Variants in RORA observed in about 807,000 individuals in gnomAD.
The protein encoded by RORA is RAR related orphan receptor A.
In RORA, 7 loss-of-function variants were observed where a neutral mutation model predicts 69.5. The observed-to-expected ratio is 0.10, with a 90% CI of 0.06 to 0.19. The LOEUF (loss-of-function observed/expected upper bound fraction) is 0.19. Among genes scored for constraint, RORA ranks in the 10% least tolerant of loss-of-function variants. The pLI, the probability that RORA is intolerant of heterozygous loss-of-function variation, is 1.00. For missense variants in RORA, 457 were observed against 663.0 expected (o/e 0.69, Z 3.41); for synonymous variants, 261 against 240.8 (o/e 1.08, Z -0.78).
intron 2 of RORA, among the ~76,000 whole-genome samples, chr15:60,546,872 G>A (rs2067086136): frequency 6.6e-6 from 1 of 152,288 alleles, no homozygotes; most frequent in South Asian, 2.1e-4. Context: ...TTATGACAAT[G>A]AAAGTCACCA....
intron 1 of RORA, among the ~76,000 whole-genome samples, chr15:61,228,291 G>GC (rs1441868835): frequency 2.0e-5 from 3 of 151,832 alleles, no homozygotes; most frequent in South Asian, 4.1e-4. Context: ...GCGCGCACAC[G>GC]CCCCCCGCCA....
chr15:60,942,165 CG>C (rs1566918295), intron 1 of RORA, among the ~76,000 whole-genome samples: 1 of 152,020 alleles, frequency 6.6e-6, no homozygotes, highest in East Asian at 1.9e-4. Context: ...TCATCATAAA[CG>C]TAACTATCTA....
chr15:60,744,515 T>G (rs113082793), intron 1 of RORA, among the ~76,000 whole-genome samples: 5 of 152,270 alleles, frequency 3.3e-5, no homozygotes, highest in African/African-American at 1.2e-4. Flanking sequence ...TTCTCCCTCT[T>G]ACCAGCTGTG....
intron 1 of RORA, among the ~76,000 whole-genome samples, chr15:61,068,486 T>A (rs1454585335): frequency 6.6e-6 from 1 of 152,232 alleles, no homozygotes; most frequent in Non-Finnish European, 1.5e-5. Context: ...GTCAATTGCA[T>A]TTATTTGTCA....
chr15:61,006,150 G>A (rs1462036065), intron 1 of RORA, among the ~76,000 whole-genome samples: 1 of 151,978 alleles, frequency 6.6e-6, no homozygotes, highest in Non-Finnish European at 1.5e-5. Flanking sequence ...TGTATTTTTA[G>A]TAGAGACGGG....
intron 2 of RORA, chr15:60,614,773 CTTAATA>C: frequency 1.3e-6 from 1 of 777,002 alleles, no homozygotes; most frequent in East Asian, 2.8e-5. Flanking sequence ...AAATAGGATA[CTTAATA>C]TTTATAGTAA....
Position 60,717,238 on chromosome 15 carries a change from G to T in RORA, c.167-38552C>A, listed in dbSNP as rs570947788. Among the ~76,000 whole-genome samples, 8 of 152,292 alleles carry T rather than the reference G, an allele frequency of 5.3e-5. No individual in the cohort carries two copies. In the South Asian group the frequency reaches 8.3e-4, roughly 16 times the overall value. The stretch of plus-strand genomic sequence containing the variant: ...GAAGTCTTCTGTGTTGATTATTGTT[G>T]TGGTGGTATGTATGCAGAGGGAAAA... On this transcript the variant is annotated intron_variant, in intron 1 of 10. Coordinates refer to ENST00000335670, the MANE Select transcript of RORA (RefSeq NM_134261.3).
intron 1 of RORA, among the ~76,000 whole-genome samples, chr15:60,992,673 C>G (rs1368522075): frequency 7.2e-6 from 1 of 139,490 alleles, no homozygotes; most frequent in African/African-American, 2.6e-5. Context: ...GTCAGAGCCT[C>G]TGACACCGTG....
At chr15:60,782,972 G>C (rs943695085) in intron 1 of RORA, among the ~76,000 whole-genome samples, 7 of 152,118 alleles carry the variant, frequency 4.6e-5, no homozygotes, top group Admixed American at 2.0e-4. Context: ...AGCCTTCTCT[G>C]GGACTATACG....
intron 1 of RORA, among the ~76,000 whole-genome samples, chr15:61,070,463 T>C (rs1173334605): frequency 6.6e-6 from 1 of 152,220 alleles, no homozygotes; most frequent in Admixed American, 6.5e-5. Flanking sequence ...GAAGTCTCAA[T>C]TTCTGTAGAC....
chr15:60,864,121 A>C (rs1324216158), intron 1 of RORA, among the ~76,000 whole-genome samples: 1 of 152,156 alleles, frequency 6.6e-6, no homozygotes, highest in Non-Finnish European at 1.5e-5. Context: ...ATCATTTTTT[A>C]TATTTTGTAG....
At chr15:60,690,488 C>T (rs116324190) in intron 1 of RORA, among the ~76,000 whole-genome samples, 1,616 of 152,288 alleles carry the variant, frequency 0.011, 33 homozygotes, top group African/African-American at 0.036. Context: ...GCAGAGCTTC[C>T]TTGGCAGCCT....
intron 1 of RORA, among the ~76,000 whole-genome samples, chr15:60,902,790 A>G (rs1177218057): frequency 6.6e-6 from 1 of 152,228 alleles, no homozygotes; most frequent in Non-Finnish European, 1.5e-5. Flanking sequence ...TTAGGGAAAG[A>G]GGCACACAAT....
intron 2 of RORA, among the ~76,000 whole-genome samples, chr15:60,673,807 A>C (rs923818206): frequency 1.3e-5 from 2 of 152,140 alleles, no homozygotes; most frequent in Non-Finnish European, 2.9e-5. Flanking sequence ...GGAAGGTAAA[A>C]AGCCTATCAG....
intron 2 of RORA, among the ~76,000 whole-genome samples, chr15:60,659,130 G>T (rs965892221): frequency 4.6e-5 from 7 of 152,184 alleles, no homozygotes; most frequent in Non-Finnish European, 7.3e-5. Flanking sequence ...AAGATAATTT[G>T]GGGCCACACT....
intron 3 of RORA, among the ~76,000 whole-genome samples, chr15:60,522,525 A>G (rs750693337): frequency 7.9e-5 from 12 of 152,022 alleles, no homozygotes; most frequent in Non-Finnish European, 1.6e-4. Flanking sequence ...TGTAATCCCA[A>G]TACTTTGAGA....
Position 60,731,266 on chromosome 15 carries a change from CA to C in RORA, c.167-52581del, listed in dbSNP as rs142096653. Among the ~76,000 whole-genome samples the C allele has an allele frequency of 8.7e-3, 1,319 of 152,234 alleles. 23 individuals are homozygous for C. Among genetic ancestry groups the C allele is most frequent in the African/African-American group, 0.03 (1,252 of 41,556 alleles). ...CCCAAACAATACACTTGAATTTCAC[CA>C]ATAAAAATTCATTCCTTTGGTCTAA... On this transcript the variant is annotated intron_variant, in intron 1 of 10. Coordinates refer to ENST00000335670, the MANE Select transcript of RORA (RefSeq NM_134261.3).
At chr15:60,508,569 A>G (rs2065590221) in intron 5 of RORA, among the ~76,000 whole-genome samples, 1 of 152,218 alleles carries the variant, frequency 6.6e-6, no homozygotes, top group Admixed American at 6.5e-5. Context: ...TATTATCTCC[A>G]TTTTACAGAG....
chr15:61,217,871 A>T (rs571950559), intron 1 of RORA, among the ~76,000 whole-genome samples: 1 of 152,314 alleles, frequency 6.6e-6, no homozygotes, highest in Non-Finnish European at 1.5e-5. Flanking sequence ...ATACTGTATG[A>T]TTATAAATAA....
Sources: allele counts gnomAD v4.1 joint callset (sites outside exome capture counted in the v4.1 genomes callset), GRCh38; gene constraint gnomAD v4.1.1; transcripts MANE v1.5; gene names NCBI Gene and HGNC (gene_info 2026-07-23, HGNC 2026-07-21).